The following IFT52 variants were observed in gnomAD, a reference collection of about 807,000 sequenced individuals.
The protein encoded by IFT52 is intraflagellar transport protein 52 homolog.
In IFT52, 44 loss-of-function variants were observed where a neutral mutation model predicts 54.4. The ratio of observed to expected loss-of-function variants is 0.81; its 90% CI spans 0.63 to 1.04. The LOEUF (loss-of-function observed/expected upper bound fraction) is 1.04. Ranked by LOEUF, IFT52 falls within the 50% of genes least tolerant of loss-of-function variation. IFT52 has a pLI of 0.00. For missense variants in IFT52, 452 were observed against 523.6 expected, an observed-to-expected ratio of 0.86 and a Z score of 1.33; for synonymous variants, 181 against 185.3, an observed-to-expected ratio of 0.98 and a Z score of 0.19.
At chr20:43,619,765 C>T (rs1984132088) in intron 8 of IFT52, among the ~76,000 whole-genome samples, 1 of 151,978 alleles carries the variant, frequency 6.6e-6, no homozygotes, top group African/African-American at 2.4e-5. Context: ...ACAGCATGTG[C>T]CAGAGCTGTC....
chr20:43,616,509 C>CAAAA (rs1020264770), intron 7 of IFT52, among the ~76,000 whole-genome samples: 2 of 60,734 alleles, frequency 3.3e-5, no homozygotes, highest in Non-Finnish European at 6.8e-5. Flanking sequence ...ACACTGTCTC[C>CAAAA]AAAAAAAAAA....
intron 9 of IFT52, among the ~76,000 whole-genome samples, chr20:43,622,758 T>C (rs1478870309): frequency 3.6e-5 from 2 of 56,284 alleles, no homozygotes; most frequent in Admixed American, 1.4e-4. Flanking sequence ...TAAATATAAA[T>C]ATATACAAAT....
chr20:43,626,395 C>T (rs1353143479), intron 10 of IFT52, among the ~76,000 whole-genome samples: 1 of 151,782 alleles, frequency 6.6e-6, no homozygotes, highest in African/African-American at 2.4e-5. Context: ...TCCTGAGTAG[C>T]ACCACCATGC....
chr20:43,615,657 G>T (rs1973954), intron 7 of IFT52, among the ~76,000 whole-genome samples: 116,128 of 151,514 alleles, frequency 0.77, 44,740 homozygotes, highest in East Asian at 0.8. Context: ...TACAAAAATT[G>T]ACCAGGCGTA....
At chr20:43,613,491 G>A (rs1407144765) in intron 6 of IFT52, among the ~76,000 whole-genome samples, 1 of 152,218 alleles carries the variant, frequency 6.6e-6, no homozygotes, top group Non-Finnish European at 1.5e-5. Context: ...GAATCAAAGA[G>A]TGTTACTCAG....
chr20:43,616,027 T>A (rs1009792400), intron 7 of IFT52, among the ~76,000 whole-genome samples: 12 of 152,216 alleles, frequency 7.9e-5, no homozygotes, highest in Middle Eastern at 3.2e-3. Flanking sequence ...GGGTTTTTTT[T>A]ACCAATTTTT....
intron 10 of IFT52, among the ~76,000 whole-genome samples, chr20:43,626,907 G>A (rs1304625899): frequency 6.6e-6 from 1 of 152,144 alleles, no homozygotes; most frequent in Non-Finnish European, 1.5e-5. Context: ...CTCAACGCCT[G>A]TAATCCCAGC....
chr20:43,626,222 T>C (rs1255409470), intron 10 of IFT52, among the ~76,000 whole-genome samples: 3 of 151,762 alleles, frequency 2.0e-5, no homozygotes, highest in Non-Finnish European at 2.9e-5. Flanking sequence ...ATTTGGGAGT[T>C]TGGGGGCACA....
At chr20:43,597,890 CAA>C (rs36068236) in intron 3 of IFT52, among the ~76,000 whole-genome samples, 16 of 102,032 alleles carry the variant, frequency 1.6e-4, no homozygotes, top group African/African-American at 6.2e-4. Context: ...GAGACTCTTT[CAA>C]AAAAAAAAAA....
chr20:43,617,853 C>T (rs962694868), intron 7 of IFT52, among the ~76,000 whole-genome samples: 5 of 151,992 alleles, frequency 3.3e-5, no homozygotes, highest in South Asian at 2.1e-4. Flanking sequence ...GCAATCCTCC[C>T]GCCACAGCCT....
At chr20:43,619,871 A>C (rs1236522202) in intron 8 of IFT52, among the ~76,000 whole-genome samples, 1 of 150,724 alleles carries the variant, frequency 6.6e-6, no homozygotes, top group African/African-American at 2.4e-5. Context: ...ATGAAGTTTC[A>C]ATGTCTCTAG....
chr20:43,591,910 G>A (rs1010269938), intron 1 of IFT52, among the ~76,000 whole-genome samples: 2 of 152,140 alleles, frequency 1.3e-5, no homozygotes, highest in Non-Finnish European at 2.9e-5. Context: ...TTGGGACTCA[G>A]CAGGAGCTTA....
In IFT52 at chr20:43,647,236, A is replaced by G. The variant is rs1986273387; in HGVS notation, c.*253A>G. The G allele has an allele frequency of 6.1e-6, 3 of 489,646 alleles. No individual in the cohort carries two copies. Among genetic ancestry groups the G allele is most frequent in the Admixed American group, 7.3e-5 (2 of 27,412 alleles). 30.3% of individuals were successfully genotyped at this position (489,646 alleles called of 1,614,324 possible). A position where few individuals can be genotyped will look rare whatever the true frequency, so the allele number is the denominator to read the frequency against. ...TTTTATACCCTATGAAACAGTCTTGATTTTTTTTTCTCAACCCCAGTTCTG... is the reference window on the plus strand; with the variant it reads ...TTTTATACCCTATGAAACAGTCTTGGTTTTTTTTTCTCAACCCCAGTTCTG... On this transcript the variant is annotated 3_prime_UTR_variant, in exon 14 of 14. Transcript: ENST00000373030.
intron 6 of IFT52, among the ~76,000 whole-genome samples, chr20:43,610,504 C>T (rs1049457467): frequency 1.3e-5 from 2 of 151,882 alleles, no homozygotes; most frequent in African/African-American, 4.8e-5. Context: ...GAGGCTGAGG[C>T]AGGCAGATCA....
Position 43,647,231 on chromosome 20 carries a change from T to C in IFT52, c.*248T>C, listed in dbSNP as rs1986273045. 5.9e-6 allele frequency: 3 copies of C among 508,490 alleles called. No individual in the cohort carries two copies. The highest frequency in any genetic ancestry group is 1.0e-5 in the Non-Finnish European group (3 of 289,414). The allele number at this position is 508,490 out of a possible 1,614,324, so 31.5% of individuals were successfully genotyped here. On this transcript the variant is annotated 3_prime_UTR_variant, in exon 14 of 14. Coordinates refer to ENST00000373030, the MANE Select transcript of IFT52 (RefSeq NM_016004.5). Reference sequence around the variant, plus strand: ...TGTCTTTTTATACCCTATGAAACAGTCTTGATTTTTTTTTCTCAACCCCAG... The same window carrying C: ...TGTCTTTTTATACCCTATGAAACAGCCTTGATTTTTTTTTCTCAACCCCAG...
chr20:43,627,262 A>G (rs1275755586), intron 10 of IFT52, among the ~76,000 whole-genome samples: 1 of 152,204 alleles, frequency 6.6e-6, no homozygotes, highest in African/African-American at 2.4e-5. Context: ...AGTGCATGGT[A>G]TTCTGAGAGC....
intron 6 of IFT52, among the ~76,000 whole-genome samples, chr20:43,613,103 A>G (rs564841591): frequency 2.0e-4 from 30 of 152,330 alleles, no homozygotes; most frequent in Admixed American, 1.5e-3. Flanking sequence ...AGGGACTCCA[A>G]AGCAGATCTG....
chr20:43,646,664 A>G (rs1030696048), intron 13 of IFT52, among the ~76,000 whole-genome samples: 1 of 152,132 alleles, frequency 6.6e-6, no homozygotes, highest in Non-Finnish European at 1.5e-5. Context: ...CGAGGCCAAT[A>G]TAAGAAGTCT....
chr20:43,626,570 G>A (rs898817696), intron 10 of IFT52, among the ~76,000 whole-genome samples: 2 of 151,986 alleles, frequency 1.3e-5, no homozygotes, highest in Non-Finnish European at 2.9e-5. Flanking sequence ...ATAAAATCAG[G>A]ATGAATCTTT....
Sources: gnomAD v4.1 joint callset for allele counts (sites outside exome capture counted in the v4.1 genomes callset) on GRCh38, gnomAD v4.1.1 for gene constraint, MANE v1.5 for transcripts, NCBI Gene and HGNC (gene_info 2026-07-23, HGNC 2026-07-21) for gene names.